ESRRG: variants seen among roughly 807,000 people sequenced by gnomAD.
ESRRG encodes the protein estrogen-related receptor gamma.
ESRRG carries 13 observed loss-of-function variants against 44.0 expected under a neutral mutation model. That is an observed-to-expected ratio of 0.30 (90% CI 0.19 to 0.47). The LOEUF (loss-of-function observed/expected upper bound fraction) is 0.47. Among genes scored for constraint, ESRRG ranks in the 20% least tolerant of loss-of-function variants. The probability of loss-of-function intolerance (pLI) is 1.00; values close to 1 mark genes in which losing one functional copy is unlikely to be tolerated. For missense variants in ESRRG, 395 were observed against 580.6 expected (o/e 0.68, Z 3.29); for synonymous variants, 215 against 214.6 (o/e 1.00, Z -0.02).
intron 2 of ESRRG, among the ~76,000 whole-genome samples, chr1:216,921,329 C>G (rs1319069699): frequency 2.6e-5 from 4 of 152,172 alleles, no homozygotes; most frequent in African/African-American, 9.6e-5. Flanking sequence ...CCTCTGTGTT[C>G]CATCGGTAAG....
rs759878755 is a variant in ESRRG, at chr1:216,718,745, C to T, written c.56+4499G>A. Among the ~76,000 whole-genome samples, 6 of 151,956 alleles carry T rather than the reference C, an allele frequency of 3.9e-5. No individual in the cohort carries two copies. In the South Asian group the frequency reaches 1.0e-3, roughly 26 times the overall value. Reference sequence around the variant, plus strand: ...TTTTCTCCAGAGAGCTGGCTAGGGCCGGAGCTCATACGCACTTATAATAGA... The same window carrying T: ...TTTTCTCCAGAGAGCTGGCTAGGGCTGGAGCTCATACGCACTTATAATAGA... On this transcript the variant is annotated intron_variant, in intron 1 of 6. Coordinates refer to ENST00000408911, the MANE Select transcript of ESRRG (RefSeq NM_001438.4).
chr1:216,620,990 C>T (rs538278586), intron 3 of ESRRG, among the ~76,000 whole-genome samples: 4 of 152,280 alleles, frequency 2.6e-5, no homozygotes, highest in South Asian at 2.1e-4. Context: ...GGACACCAGA[C>T]GTCAAGATGC....
intron 1 of ESRRG, among the ~76,000 whole-genome samples, chr1:216,699,087 C>T (rs1286004088): frequency 1.3e-5 from 2 of 152,216 alleles, no homozygotes; most frequent in African/African-American, 4.8e-5. Flanking sequence ...TATTTACCTG[C>T]ATTGCTGTAT....
chr1:217,091,488 C>T (rs1426295045), upstream of ESRRG, among the ~76,000 whole-genome samples: 1 of 152,180 alleles, frequency 6.6e-6, no homozygotes, highest in East Asian at 1.9e-4. Context: ...GTCCAAGAAT[C>T]ATTCGCAAAT....
chr1:216,724,161 T>A (rs1350238222), upstream of ESRRG, among the ~76,000 whole-genome samples: 1 of 152,148 alleles, frequency 6.6e-6, no homozygotes, highest in South Asian at 2.1e-4. Flanking sequence ...AAAGAATGCC[T>A]AAGTAAATTA....
chr1:216,854,094 C>CA (rs2095880966), intron 2 of ESRRG, among the ~76,000 whole-genome samples: 1 of 152,004 alleles, frequency 6.6e-6, no homozygotes, highest in East Asian at 1.9e-4. Flanking sequence ...TGCGGTGGCT[C>CA]ATGCCTGTAA....
intron 2 of ESRRG, among the ~76,000 whole-genome samples, chr1:216,920,383 A>AGTGTGTGTGT (rs10534433): frequency 3.2e-5 from 4 of 124,036 alleles, no homozygotes; most frequent in African/African-American, 8.7e-5. Flanking sequence ...AATGTATGGG[A>AGTGTGTGTGT]GTGTGTGTGT....
chr1:216,903,364 G>A (rs369860385), intron 2 of ESRRG, among the ~76,000 whole-genome samples: 5 of 151,968 alleles, frequency 3.3e-5, no homozygotes, highest in Non-Finnish European at 5.9e-5. Flanking sequence ...TAGACAAAGA[G>A]AGCCGTGTGT....
At chr1:216,575,223 G>T (rs1573341504) in intron 3 of ESRRG, among the ~76,000 whole-genome samples, 1 of 152,080 alleles carries the variant, frequency 6.6e-6, no homozygotes, top group African/African-American at 2.4e-5. Context: ...ATACTCCAAG[G>T]AGGATCTAAG....
intron 1 of ESRRG, among the ~76,000 whole-genome samples, chr1:216,957,508 G>A (rs2068181051): frequency 6.6e-6 from 1 of 152,028 alleles, no homozygotes; most frequent in South Asian, 2.1e-4. Flanking sequence ...TACGTCTTGT[G>A]GTTGCACAGC....
chr1:216,643,806 T>A (rs971236525), intron 3 of ESRRG, among the ~76,000 whole-genome samples: 1 of 152,186 alleles, frequency 6.6e-6, no homozygotes, highest in Non-Finnish European at 1.5e-5. Flanking sequence ...TTTATTTATA[T>A]ACCTTAAGCT....
At chr1:216,894,276 C>T (rs1024857702) in intron 2 of ESRRG, among the ~76,000 whole-genome samples, 1 of 152,122 alleles carries the variant, frequency 6.6e-6, no homozygotes, top group African/African-American at 2.4e-5. Flanking sequence ...CCAAAATGTA[C>T]ACAGTCTTAA....
chr1:217,133,679 C>CTTTCTTTCTTTCTTTCTTTA, intron 1 of ESRRG, among the ~76,000 whole-genome samples: 1 of 131,144 alleles, frequency 7.6e-6, no homozygotes, highest in Admixed American at 7.5e-5. Flanking sequence ...TTCTTTCTTT[C>CTTTCTTTCTTTCTTTCTTTA]TTTCTAACTG....
intron 2 of ESRRG, among the ~76,000 whole-genome samples, chr1:216,790,235 A>C (rs1354770003): frequency 6.6e-6 from 1 of 152,068 alleles, no homozygotes; most frequent in East Asian, 1.9e-4. Flanking sequence ...ACTCCACACT[A>C]TTTTGGAGAC....
chr1:216,958,740 G>A (rs192079091), intron 1 of ESRRG, among the ~76,000 whole-genome samples: 110 of 152,130 alleles, frequency 7.2e-4, no homozygotes, highest in African/African-American at 2.6e-3. Context: ...TCTGCCGCTC[G>A]GGTAACATTA....
chr1:216,905,082 C>G (rs930099029), intron 2 of ESRRG, among the ~76,000 whole-genome samples: 2 of 152,086 alleles, frequency 1.3e-5, no homozygotes, highest in Non-Finnish European at 1.5e-5. Context: ...ATTAGCCAAG[C>G]AAATTAAAGA....
intron 2 of ESRRG, among the ~76,000 whole-genome samples, chr1:216,796,268 C>T (rs1236758995): frequency 1.3e-5 from 2 of 152,202 alleles, no homozygotes; most frequent in Non-Finnish European, 2.9e-5. Flanking sequence ...CCTTACCCCA[C>T]TTCCCCACTG....
intron 1 of ESRRG, among the ~76,000 whole-genome samples, chr1:216,986,763 G>A (rs2074949117): frequency 6.6e-6 from 1 of 151,930 alleles, no homozygotes; most frequent in Non-Finnish European, 1.5e-5. Context: ...AGAAGAAAAA[G>A]GGCTTGAAAT....
rs192388728 is a variant in ESRRG, at chr1:217,112,912, T to A, written c.-230+24755A>T. Among the ~76,000 whole-genome samples, 35 of 152,320 alleles carry A rather than the reference T, an allele frequency of 2.3e-4. No individual in the cohort carries two copies. In the East Asian group the frequency reaches 6.2e-3, roughly 27 times the overall value. ...CAAGAGAATGTGTAAGCATCTGAAC[T>A]GTGTTAATCTATAGGAGCCTCATAT... On this transcript the variant is annotated intron_variant, in intron 1 of 8. Transcript: ENST00000366940.
Sources: allele counts gnomAD v4.1 joint callset (sites outside exome capture counted in the v4.1 genomes callset), GRCh38; gene constraint gnomAD v4.1.1; transcripts MANE v1.5; gene names NCBI Gene and HGNC (gene_info 2026-07-23, HGNC 2026-07-21).